RGS21: variants seen among roughly 807,000 people sequenced by gnomAD.
The protein encoded by RGS21 is regulator of G-protein signalling 21.
In RGS21, 19 loss-of-function variants were observed where a neutral mutation model predicts 18.7. The observed-to-expected ratio is 1.01, with a 90% CI of 0.71 to 1.49. The LOEUF is 1.49. Ranked by LOEUF, RGS21 falls within the 40% of genes most tolerant of loss-of-function variation. The probability of loss-of-function intolerance (pLI) is 0.00; values close to 1 mark genes in which losing one functional copy is unlikely to be tolerated. For synonymous variants in RGS21, 56 were observed against 57.8 expected, an observed-to-expected ratio of 0.97 and a Z score of 0.14; for missense variants, 194 against 176.8, an observed-to-expected ratio of 1.10 and a Z score of -0.55.
intron 2 of RGS21, among the ~76,000 whole-genome samples, chr1:192,345,973 T>C (rs1191046778): frequency 6.6e-6 from 1 of 151,906 alleles, no homozygotes; most frequent in Non-Finnish European, 1.5e-5. Flanking sequence ...AGACAGAAAC[T>C]GAACAACTCA....
At chr1:192,325,088 T>G (rs191326275) in intron 1 of RGS21, among the ~76,000 whole-genome samples, 102 of 152,204 alleles carry the variant, frequency 6.7e-4, no homozygotes, top group Middle Eastern at 3.4e-3. Context: ...TATTACATTA[T>G]GCTTGGGTTT....
intron 1 of RGS21, among the ~76,000 whole-genome samples, chr1:192,321,883 A>G (rs1658502953): frequency 6.6e-6 from 1 of 152,042 alleles, no homozygotes; most frequent in South Asian, 2.1e-4. Flanking sequence ...ACTAAAAAAT[A>G]AAAAACAGCT....
chr1:192,355,397 G>A (rs977894116), intron 4 of RGS21, among the ~76,000 whole-genome samples: 1 of 151,598 alleles, frequency 6.6e-6, no homozygotes, highest in African/African-American at 2.4e-5. Flanking sequence ...AACATATGTA[G>A]ATAAGCAATG....
At chr1:192,357,522 C>T (rs1659128155) in intron 4 of RGS21, among the ~76,000 whole-genome samples, 1 of 151,872 alleles carries the variant, frequency 6.6e-6, no homozygotes, top group African/African-American at 2.4e-5. Flanking sequence ...ATCACGTTCA[C>T]TCTCTTAGGG....
chr1:192,318,781 C>T (rs889895466), intron 1 of RGS21, among the ~76,000 whole-genome samples: 1 of 152,052 alleles, frequency 6.6e-6, no homozygotes, highest in African/African-American at 2.4e-5. Flanking sequence ...AAAAATAACA[C>T]TTCCAAGAAC....
chr1:192,338,354 T>C (rs1658802938), intron 1 of RGS21, among the ~76,000 whole-genome samples: 1 of 152,126 alleles, frequency 6.6e-6, no homozygotes, highest in African/African-American at 2.4e-5. Context: ...AATTATTTAG[T>C]CCTAAAATAA....
At chr1:192,364,353 A>G (rs1308876913) in intron 4 of RGS21, among the ~76,000 whole-genome samples, 3 of 152,196 alleles carry the variant, frequency 2.0e-5, no homozygotes, top group African/African-American at 4.8e-5. Context: ...GGAAAGATCT[A>G]TGAGCAAATA....
intron 4 of RGS21, among the ~76,000 whole-genome samples, chr1:192,360,940 C>A (rs917557135): frequency 6.6e-6 from 1 of 152,006 alleles, no homozygotes; most frequent in African/African-American, 2.4e-5. Context: ...TTACCTTAAT[C>A]ATCTTTTATC....
At chr1:192,336,775 G>T (rs868231756) in intron 1 of RGS21, among the ~76,000 whole-genome samples, 61 of 151,714 alleles carry the variant, frequency 4.0e-4, no homozygotes, top group African/African-American at 1.3e-3. Flanking sequence ...CAAGTTAAGG[G>T]TTAAAAAAAA....
chr1:192,341,027 C>T (rs142290040), intron 1 of RGS21, among the ~76,000 whole-genome samples: 40 of 152,158 alleles, frequency 2.6e-4, no homozygotes, highest in Admixed American at 6.6e-4. Flanking sequence ...GGGTCAAAAT[C>T]AAGATATTGG....
intron 4 of RGS21, among the ~76,000 whole-genome samples, chr1:192,354,966 A>G (rs1659091616): frequency 6.6e-6 from 1 of 151,726 alleles, no homozygotes; most frequent in African/African-American, 2.4e-5. Context: ...TTCCTACTCT[A>G]ATAGGAAAGA....
At chr1:192,332,458 A>T (rs1433683775) in intron 1 of RGS21, among the ~76,000 whole-genome samples, 2 of 152,218 alleles carry the variant, frequency 1.3e-5, no homozygotes, top group East Asian at 3.8e-4. Context: ...ATACTTAAAA[A>T]ATTAGTTTTA....
intron 1 of RGS21, among the ~76,000 whole-genome samples, chr1:192,340,778 C>T (rs1228413367): frequency 2.6e-5 from 4 of 151,898 alleles, no homozygotes; most frequent in African/African-American, 7.3e-5. Flanking sequence ...TCTTACATGG[C>T]GGCAGACAAG....
intron 1 of RGS21, among the ~76,000 whole-genome samples, chr1:192,327,470 T>A (rs1658583692): frequency 6.6e-6 from 1 of 152,062 alleles, no homozygotes; most frequent in South Asian, 2.1e-4. Flanking sequence ...TTTTTTTAAT[T>A]TTTTTATTTA....
chr1:192,332,487 A>G (rs536492863), intron 1 of RGS21, among the ~76,000 whole-genome samples: 3 of 152,336 alleles, frequency 2.0e-5, no homozygotes, highest in African/African-American at 7.2e-5. Flanking sequence ...ATAGATTTAA[A>G]TGTAACTCTA....
intron 1 of RGS21, among the ~76,000 whole-genome samples, chr1:192,321,754 A>T (rs994151622): frequency 6.6e-6 from 1 of 152,052 alleles, no homozygotes; most frequent in Non-Finnish European, 1.5e-5. Context: ...TCACTCTTTG[A>T]TGTATTAAAA....
intron 1 of RGS21, among the ~76,000 whole-genome samples, chr1:192,340,146 T>C (rs1291385830): frequency 1.3e-5 from 2 of 152,086 alleles, no homozygotes; most frequent in Non-Finnish European, 2.9e-5. Context: ...TACAAGTATT[T>C]AAAAATATTG....
intron 1 of RGS21, among the ~76,000 whole-genome samples, chr1:192,332,738 G>T (rs376797453): frequency 6.6e-6 from 1 of 152,072 alleles, no homozygotes; most frequent in African/African-American, 2.4e-5. Context: ...TATACATAAA[G>T]AATTCTCAAA....
chr1:192,347,916 T>C (rs1175808656), intron 3 of RGS21, among the ~76,000 whole-genome samples: 4 of 152,000 alleles, frequency 2.6e-5, no homozygotes, highest in East Asian at 1.9e-4. Context: ...CACCTCAGCA[T>C]CCCAAAGTGC....
Sources: gnomAD v4.1 joint callset for allele counts (sites outside exome capture counted in the v4.1 genomes callset) on GRCh38, gnomAD v4.1.1 for gene constraint, MANE v1.5 for transcripts, NCBI Gene and HGNC (gene_info 2026-07-23, HGNC 2026-07-21) for gene names.